The following AKIRIN2 variants were observed in gnomAD, a reference collection of about 807,000 sequenced individuals.
The protein encoded by AKIRIN2 is akirin 2, also known as akirin-2.
AKIRIN2 carries 6 observed loss-of-function variants against 29.3 expected under a neutral mutation model. The observed-to-expected ratio is 0.20, with a 90% CI of 0.11 to 0.40. AKIRIN2 has a LOEUF of 0.40. AKIRIN2 is among the 10% of genes least tolerant of loss of function. The probability of loss-of-function intolerance (pLI) is 1.00; values close to 1 mark genes in which losing one functional copy is unlikely to be tolerated. For synonymous variants in AKIRIN2, 128 were observed against 117.5 expected, an observed-to-expected ratio of 1.09 and a Z score of -0.58; for missense variants, 210 against 276.1, an observed-to-expected ratio of 0.76 and a Z score of 1.70.
At chr6:87,678,395 G>A (rs1001255331) in intron 2 of AKIRIN2, among the ~76,000 whole-genome samples, 28 of 151,596 alleles carry the variant, frequency 1.8e-4, no homozygotes, top group African/African-American at 6.6e-4. Context: ...CCAGCTACTC[G>A]GGAGGCTGAG....
intron 1 of AKIRIN2, among the ~76,000 whole-genome samples, chr6:87,695,268 T>C (rs1180237658): frequency 1.3e-5 from 2 of 152,204 alleles, no homozygotes; most frequent in East Asian, 1.9e-4. Flanking sequence ...CTTAAACTAA[T>C]TGCAGTATTT....
At chr6:87,685,846 A>G (rs1358855655) in intron 1 of AKIRIN2, among the ~76,000 whole-genome samples, 2 of 151,942 alleles carry the variant, frequency 1.3e-5, no homozygotes, top group Non-Finnish European at 2.9e-5. Flanking sequence ...TGACACTAAA[A>G]TTGCTAATAA....
intron 2 of AKIRIN2, among the ~76,000 whole-genome samples, chr6:87,679,148 A>G (rs1771076503): frequency 6.9e-6 from 1 of 145,130 alleles, no homozygotes; most frequent in Admixed American, 6.7e-5. Context: ...AAAAAAAAAA[A>G]AAAAAAGAAA....
At chr6:87,684,236 A>G (rs1390024028) in intron 1 of AKIRIN2, among the ~76,000 whole-genome samples, 6 of 152,198 alleles carry the variant, frequency 3.9e-5, no homozygotes. Flanking sequence ...TGCTTGTATA[A>G]TAACAACCTC....
chr6:87,699,795 A>G (rs536721845), intron 1 of AKIRIN2, among the ~76,000 whole-genome samples: 1 of 152,348 alleles, frequency 6.6e-6, no homozygotes, highest in Non-Finnish European at 1.5e-5. Flanking sequence ...TTGTTCACAT[A>G]CATGCCCAAG....
At chr6:87,680,961 C>G (rs55749243) in intron 2 of AKIRIN2, among the ~76,000 whole-genome samples, 88 of 152,150 alleles carry the variant, frequency 5.8e-4, no homozygotes, top group Middle Eastern at 3.4e-3. Flanking sequence ...AGCAAAACTT[C>G]TAAGTTGAAT....
chr6:87,696,672 G>A (rs1163521590), intron 1 of AKIRIN2, among the ~76,000 whole-genome samples: 1 of 139,034 alleles, frequency 7.2e-6, no homozygotes, highest in Non-Finnish European at 1.5e-5. Flanking sequence ...CTGCACTCCA[G>A]CCTGGGGGAC....
chr6:87,684,055 T>C (rs994553662), intron 1 of AKIRIN2, among the ~76,000 whole-genome samples: 22 of 152,186 alleles, frequency 1.4e-4, no homozygotes, highest in African/African-American at 5.1e-4. Context: ...ATCATAAAAT[T>C]TATTTATAAC....
intron 1 of AKIRIN2, among the ~76,000 whole-genome samples, chr6:87,682,186 G>A (rs1582118802): frequency 6.6e-6 from 1 of 152,106 alleles, no homozygotes; most frequent in East Asian, 1.9e-4. Context: ...AATAAGAAGG[G>A]GCTTGGGAGA....
At chr6:87,698,613 C>T (rs1414635461) in intron 1 of AKIRIN2, among the ~76,000 whole-genome samples, 1 of 152,116 alleles carries the variant, frequency 6.6e-6, no homozygotes, top group Non-Finnish European at 1.5e-5. Context: ...ACTTAGGTGT[C>T]CTAAAAAACA....
intron 1 of AKIRIN2, among the ~76,000 whole-genome samples, chr6:87,689,378 C>A (rs768871892): frequency 6.6e-6 from 1 of 152,122 alleles, no homozygotes; most frequent in Non-Finnish European, 1.5e-5. Context: ...GTGGTGCATG[C>A]CTGTAATCCC....
chr6:87,686,622 T>C (rs1295872493), intron 1 of AKIRIN2, among the ~76,000 whole-genome samples: 1 of 151,970 alleles, frequency 6.6e-6, no homozygotes, highest in South Asian at 2.1e-4. Context: ...CGAACAGTTT[T>C]AAGTTTAGGT....
chr6:87,697,091 C>G (rs1000178217), intron 1 of AKIRIN2, among the ~76,000 whole-genome samples: 2 of 149,668 alleles, frequency 1.3e-5, no homozygotes, highest in African/African-American at 4.9e-5. Context: ...GTTGGACCAC[C>G]TGAAGTCAGG....
intron 1 of AKIRIN2, among the ~76,000 whole-genome samples, chr6:87,691,245 C>A (rs1771273831): frequency 6.6e-6 from 1 of 151,834 alleles, no homozygotes; most frequent in Non-Finnish European, 1.5e-5. Context: ...GAGTTGGAGA[C>A]CAGCCTGGCC....
intron 1 of AKIRIN2, among the ~76,000 whole-genome samples, chr6:87,694,018 T>C (rs1367580734): frequency 6.6e-6 from 1 of 152,194 alleles, no homozygotes; most frequent in Non-Finnish European, 1.5e-5. Context: ...ACAGTAATGT[T>C]TGAAAAATTG....
chr6:87,685,026 C>T (rs151156051), intron 1 of AKIRIN2, among the ~76,000 whole-genome samples: 125 of 152,306 alleles, frequency 8.2e-4, no homozygotes, highest in African/African-American at 2.6e-3. Context: ...CACATCCTTG[C>T]CAACACTTGA....
chr6:87,691,416 G>A (rs1771276234), intron 1 of AKIRIN2, among the ~76,000 whole-genome samples: 1 of 146,414 alleles, frequency 6.8e-6, no homozygotes, highest in Non-Finnish European at 1.5e-5. Flanking sequence ...ACTCCAGCCT[G>A]GGAAACAGGG....
intron 3 of AKIRIN2, among the ~76,000 whole-genome samples, chr6:87,676,873 G>A (rs1383665155): frequency 1.3e-5 from 2 of 150,300 alleles, no homozygotes; most frequent in Admixed American, 6.6e-5. Context: ...TCAGGAGATC[G>A]AGACCATCCT....
At chr6:87,696,699 CAAAAAAAA>C (rs35676911) in intron 1 of AKIRIN2, among the ~76,000 whole-genome samples, 367 of 87,780 alleles carry the variant, frequency 4.2e-3, no homozygotes, top group African/African-American at 0.015. Flanking sequence ...AGACTCCATC[CAAAAAAAA>C]AAAAAAAAAA....
Sources: allele counts gnomAD v4.1 joint callset (sites outside exome capture counted in the v4.1 genomes callset), GRCh38; gene constraint gnomAD v4.1.1; transcripts MANE v1.5; gene names NCBI Gene and HGNC (gene_info 2026-07-23, HGNC 2026-07-21).